The following QPCTL variants were observed in gnomAD, a reference collection of about 807,000 sequenced individuals.
QPCTL encodes glutaminyl-peptide cyclotransferase like.
In QPCTL, 31 loss-of-function variants were observed where a neutral mutation model predicts 34.6. That is an observed-to-expected ratio of 0.90 (90% confidence interval 0.67 to 1.21). The LOEUF (loss-of-function observed/expected upper bound fraction) is 1.21. Among genes scored for constraint, QPCTL ranks in the 50% most tolerant of loss-of-function variants. The pLI is 0.00. For missense variants in QPCTL, 474 were observed against 507.8 expected (o/e 0.93, Z 0.64); for synonymous variants, 223 against 226.9 (o/e 0.98, Z 0.15).
intron 3 of QPCTL, among the ~76,000 whole-genome samples, chr19:45,696,396 G>C (rs1018549450): frequency 4.3e-4 from 65 of 151,934 alleles, no homozygotes; most frequent in African/African-American, 1.5e-3. Flanking sequence ...TTCAAGACCA[G>C]CCTGGCCAAC....
At chr19:45,701,039 C>CA (rs1967800539) in intron 5 of QPCTL, among the ~76,000 whole-genome samples, 1 of 151,192 alleles carries the variant, frequency 6.6e-6, no homozygotes, top group South Asian at 2.1e-4. Flanking sequence ...GTGACCAAGG[C>CA]AGGAAGATCA....
rs199934060 is a variant in QPCTL, at chr19:45,693,399, A to G, written c.208-14A>G. On this transcript the variant is annotated splice_polypyrimidine_tract_variant and intron_variant, in intron 1 of 6. Coordinates refer to ENST00000012049, the MANE Select transcript of QPCTL (RefSeq NM_017659.4). ...CTCTCATTCTTCCCTTCCCTATCCCACCTCCTTCCCAAGGTCCCATTGATC... is the reference window on the plus strand; with the variant it reads ...CTCTCATTCTTCCCTTCCCTATCCCGCCTCCTTCCCAAGGTCCCATTGATC... 1.3e-5 allele frequency: 21 copies of G among 1,604,962 alleles called. No homozygotes were observed. The highest frequency in any genetic ancestry group is 8.5e-5 in the Admixed American group (5 of 59,104).
At chr19:45,695,942 G>A (rs1418804647) in intron 3 of QPCTL, among the ~76,000 whole-genome samples, 4 of 151,738 alleles carry the variant, frequency 2.6e-5, no homozygotes, top group African/African-American at 4.8e-5. Flanking sequence ...TGCCTACTGG[G>A]TTCAAGCAAT....
chr19:45,696,688 A>G (rs904156193), intron 3 of QPCTL, among the ~76,000 whole-genome samples: 1 of 151,646 alleles, frequency 6.6e-6, no homozygotes, highest in Admixed American at 6.6e-5. Context: ...GCAGTGAGCC[A>G]TGATCGTGCC....
At chr19:45,699,029 A>AGC in intron 5 of QPCTL, 129 bp downstream of exon 5, 1 of 508,444 alleles carries the variant, frequency 2.0e-6, no homozygotes, top group East Asian at 3.8e-5. Context: ...GGGAGACCCC[A>AGC]TCTTTTTTTT....
intron 5 of QPCTL, 100 bp from the exon 6 acceptor site, chr19:45,701,698 G>C (rs780827328): frequency 1.5e-5 from 13 of 868,064 alleles, no homozygotes; most frequent in Non-Finnish European, 2.4e-5. Context: ...GGGCTGACCA[G>C]GGCTTTGTCT....
At chr19:45,695,373 G>T in intron 2 of QPCTL, 64 bp from the exon 3 acceptor site, 1 of 1,474,082 alleles carries the variant, frequency 6.8e-7, no homozygotes. Context: ...CTCAGGTCAC[G>T]TGGCCCTTCT....
chr19:45,698,825 C>G lies in QPCTL; in HGVS notation c.811C>G (p.Leu271Val), dbSNP rs780124416. 62 of 1,614,082 alleles carry G rather than the reference C, an allele frequency of 3.8e-5. No individual in the cohort carries two copies. Among genetic ancestry groups the G allele is most frequent in the Non-Finnish European group, 5.3e-5 (62 of 1,179,980 alleles). The change falls in exon 5 of 7, where the codon CTG becomes GTG. Residue 271 changes from leucine (L) to valine (V), a missense_variant. Coordinates refer to ENST00000012049, the MANE Select transcript of QPCTL (RefSeq NM_017659.4). ...AIELFMLLDLLGAPNPTFYSH... is the reference protein window; with the variant it reads ...AIELFMLLDLVGAPNPTFYSH... The stretch of plus-strand genomic sequence containing the variant: ...GGAGCTCTTTATGCTTCTTGATCTC[C>G]TGGGAGCCCCCAATCCCACCTTCTA...
At position 45,693,441 on chromosome 19, in the gene QPCTL, C is replaced by A. The variant is rs1967619457; in HGVS notation, c.236C>A (p.Ala79Asp). 1.2e-6 allele frequency: 2 copies of A among 1,611,982 alleles called. No individual in the cohort carries two copies. The highest frequency in any genetic ancestry group is 1.7e-6 in the Non-Finnish European group (2 of 1,178,816). The change falls in exon 2 of 7, where the codon GCC becomes GAC. Residue 79 changes from alanine to aspartate, a missense_variant. Transcript: ENST00000012049. ...CCATTGATCGGAAGCCTCCCCGAAG[C>A]CCGGCTGCGGAGGGTGGTGGGACAA... ...RVPLIGSLPE[A>D]RLRRVVGQLD...
intron 5 of QPCTL, 43 bp downstream of exon 5, chr19:45,698,943 T>C: frequency 1.3e-6 from 2 of 1,566,804 alleles, no homozygotes; most frequent in Non-Finnish European, 1.8e-6. Flanking sequence ...ACCTGGGGTA[T>C]GGGGTACAGG....
At chr19:45,697,228 C>A (rs1359597108) in intron 3 of QPCTL, among the ~76,000 whole-genome samples, 3 of 151,922 alleles carry the variant, frequency 2.0e-5, no homozygotes, top group Non-Finnish European at 2.9e-5. Flanking sequence ...AGATTGAGAC[C>A]ATCCTGGCTA....
rs1182273033 is a variant in QPCTL at position 45,692,921 on chromosome 19, G to GCCC, written c.207+12_207+13insCCC. ...GGCCGGGAGCTGCGGGTGAGGCTGG[G>GCCC]CGGGGACCCGGGCACCGCGGGGACC... On this transcript the variant is annotated intron_variant, in intron 1 of 6. Coordinates refer to ENST00000012049, the MANE Select transcript of QPCTL (RefSeq NM_017659.4). 2 of 1,532,570 alleles carry GCCC rather than the reference G, an allele frequency of 1.3e-6. No homozygotes were observed. Among genetic ancestry groups the GCCC allele is most frequent in the Non-Finnish European group, 1.7e-6 (2 of 1,143,712 alleles). 94.9% of individuals were successfully genotyped at this position (1,532,570 alleles called of 1,614,324 possible).
At chr19:45,696,362 G>A (rs1410419608) in intron 3 of QPCTL, among the ~76,000 whole-genome samples, 2 of 152,080 alleles carry the variant, frequency 1.3e-5, no homozygotes, top group African/African-American at 2.4e-5. Flanking sequence ...GGAGGTTGAG[G>A]TGGGTGGATC....
chr19:45,696,910 G>A (rs552539911), intron 3 of QPCTL, among the ~76,000 whole-genome samples: 6 of 150,666 alleles, frequency 4.0e-5, no homozygotes, highest in African/African-American at 1.5e-4. Flanking sequence ...ATCATTTGAG[G>A]TCAGAAGTTC....
chr19:45,700,839 C>G (rs1411446518), intron 5 of QPCTL, among the ~76,000 whole-genome samples: 2 of 151,742 alleles, frequency 1.3e-5, no homozygotes, highest in Admixed American at 6.6e-5. Context: ...GGCGCCTGTA[C>G]TCCCAGCTAC....
intron 3 of QPCTL, among the ~76,000 whole-genome samples, chr19:45,696,139 T>C (rs147812172): frequency 0.028 from 4,267 of 152,110 alleles, 99 homozygotes; most frequent in Non-Finnish European, 0.046. Flanking sequence ...GTCCTTATAT[T>C]GGCCCACGAG....
Position 45,699,017 on chromosome 19 carries a change from TAGGG to T in QPCTL, c.886+120_886+123del. 3 of 711,836 alleles carry T rather than the reference TAGGG, an allele frequency of 4.2e-6. No homozygotes were observed. In the East Asian group the frequency reaches 8.5e-5, roughly 20 times the overall value. The allele number at this position is 711,836 out of a possible 1,614,324, so 44.1% of individuals were successfully genotyped here. On this transcript the variant is annotated intron_variant, in intron 5 of 6. Transcript: ENST00000012049. ...GGCTCATCCACCAGTCTGGGCCACA[TAGGG>T]AGACCCCATCTTTTTTTTTTTTTTT... is the stretch of plus-strand genomic sequence containing the variant.
intron 5 of QPCTL, 56 bp downstream of exon 5, chr19:45,698,956 G>A (rs529402810): frequency 1.4e-4 from 211 of 1,510,036 alleles, no homozygotes; most frequent in Non-Finnish European, 7.0e-5. Flanking sequence ...GGTACAGGGC[G>A]GTGGGCTGGG....
At position 45,692,795 on chromosome 19, in the gene QPCTL, C is replaced by G; in HGVS notation, c.92C>G (p.Pro31Arg). The G allele has an allele frequency of 6.3e-6, 10 of 1,582,688 alleles. No individual in the cohort carries two copies. The highest frequency in any genetic ancestry group is 8.6e-6 in the Non-Finnish European group (10 of 1,164,220). Residue 31 changes from proline to arginine, a missense_variant, in exon 1 of 7, where the codon CCG (proline) becomes CGG (arginine). Coordinates refer to ENST00000012049, the MANE Select transcript of QPCTL (RefSeq NM_017659.4). ...TTGCCGCCGAAGCGCCGCCTGCTAC[C>G]GCGGGTTCGGCTCTTGCCTCTGTTG... Reference protein sequence around the residue: ...PLLPPKRRLLPRVRLLPLLLA... With the variant: ...PLLPPKRRLLRRVRLLPLLLA...
Sources: allele counts gnomAD v4.1 joint callset (sites outside exome capture counted in the v4.1 genomes callset), GRCh38; gene constraint gnomAD v4.1.1; transcripts MANE v1.5; gene names NCBI Gene and HGNC (gene_info 2026-07-23, HGNC 2026-07-21).